USP30: variants seen among roughly 807,000 people sequenced by gnomAD.
USP30 encodes the protein ubiquitin specific peptidase 30.
Under a neutral mutation model 68.2 loss-of-function variants are expected in USP30, and 41 were observed. The ratio of observed to expected loss-of-function variants is 0.60; its 90% confidence interval spans 0.47 to 0.78. The LOEUF (loss-of-function observed/expected upper bound fraction) is 0.78, where lower values mean the gene tolerates loss of function less well. Ranked by LOEUF, USP30 falls within the 30% of genes least tolerant of loss-of-function variation. USP30 has a pLI of 0.00. For missense variants in USP30, 522 were observed against 649.4 expected (o/e 0.80, Z 2.13); for synonymous variants, 229 against 253.7 (o/e 0.90, Z 0.93).
At chr12:109,054,537 A>AC (rs373921085) in intron 1 of USP30, 4 of 151,820 alleles carry the variant, frequency 2.6e-5, no homozygotes, top group African/African-American at 7.3e-5. Context: ...CTCAAAAAAA[A>AC]ATAAAAATAA....
At chr12:109,024,916 C>G (rs1486569448) in exon 2 of USP30, 1 of 152,248 alleles carries the variant, frequency 6.6e-6, no homozygotes, top group African/African-American at 2.4e-5. Context: ...ACCACACCAG[C>G]CTAAAGCAGC....
Position 109,086,240 on chromosome 12 carries a change from T to C in USP30, c.*309T>C, listed in dbSNP as rs945073229. 3.3e-4 allele frequency: 91 copies of C among 273,634 alleles called. 1 individual carries two copies. Among genetic ancestry groups the C allele is most frequent in the Middle Eastern group, 1.1e-3 (1 of 888 alleles). The allele number at this position is 273,634 out of a possible 1,614,324, so 17.0% of individuals were successfully genotyped here. On this transcript the variant is annotated 3_prime_UTR_variant, in exon 13 of 13. Coordinates refer to ENST00000257548, the MANE Select transcript of USP30 (RefSeq NM_032663.5). ...ATTCTTGAAGCCACCGTTTTCATAT[T>C]GTAATGTTAGGTGTTCTCAGAGGGG... is the stretch of plus-strand genomic sequence containing the variant.
chr12:109,055,400 ATTTTTTTTT>A (rs869090869), intron 1 of USP30, among the ~76,000 whole-genome samples: 2 of 24,466 alleles, frequency 8.2e-5, no homozygotes, highest in African/African-American at 2.2e-4. Flanking sequence ...ATATATATAT[ATTTTTTTTT>A]TTTTTTTTTT....
intron 7 of USP30, 127 bp from the exon 8 acceptor site, chr12:109,081,207 A>G: frequency 1.2e-6 from 1 of 812,254 alleles, no homozygotes. Flanking sequence ...TTCTAAGTAC[A>G]TTATATTTTA....
intron 3 of USP30, among the ~76,000 whole-genome samples, chr12:109,066,120 C>A (rs1254890438): frequency 6.6e-6 from 1 of 151,930 alleles, no homozygotes; most frequent in Non-Finnish European, 1.5e-5. Flanking sequence ...AGCACAAGGA[C>A]ATGTGCCTGT....
At chr12:109,047,868 C>A (rs1289534553), upstream of USP30, among the ~76,000 whole-genome samples, 1 of 152,032 alleles carries the variant, frequency 6.6e-6, no homozygotes, top group African/African-American at 2.4e-5. Flanking sequence ...TAGTATTCAC[C>A]CAGCCAGCTA....
chr12:109,052,599 G>C lies in USP30; in HGVS notation c.-80G>C. 1.5e-6 allele frequency: 2 copies of C among 1,361,630 alleles called. No individual in the cohort carries two copies. The highest frequency in any genetic ancestry group is 1.6e-5 in the South Asian group (1 of 64,324). The allele number at this position is 1,361,630 out of a possible 1,614,324, so 84.3% of individuals were successfully genotyped here. On this transcript the variant is annotated 5_prime_UTR_variant, in exon 1 of 13. Coordinates refer to ENST00000257548, the MANE Select transcript of USP30 (RefSeq NM_032663.5). ...CTGCGGCCGCAGGTTCCGCTGTCTC[G>C]GGAACCGTCGTATCCCTCGGTCCGG...
intron 3 of USP30, among the ~76,000 whole-genome samples, chr12:109,064,839 G>A (rs2041197025): frequency 1.3e-5 from 2 of 151,974 alleles, no homozygotes; most frequent in African/African-American, 4.8e-5. Flanking sequence ...TTGGGTTAAA[G>A]GAGGCATTAA....
rs916734596 is a variant in USP30, at chr12:109,070,048, G to A, written c.481-1564G>A. Among the ~76,000 whole-genome samples the A allele has an allele frequency of 2.6e-5, 4 of 152,098 alleles. No individual in the cohort carries two copies. The highest frequency in any genetic ancestry group is 4.4e-5 in the Non-Finnish European group (3 of 68,008). ...GATTGTGCAGGGACTAGGAGGCTGC[G>A]GGCGGCATCAGCTTCTATTGTGTTT... On this transcript the variant is annotated intron_variant, in intron 4 of 12. Transcript: ENST00000257548. This position sits in a 1 kb window ranked among gnomAD's most constrained non-coding sequence, Gnocchi z 4.0.
intron 11 of USP30, 40 bp downstream of exon 11, chr12:109,083,102 G>C: frequency 1.3e-6 from 2 of 1,550,994 alleles, no homozygotes; most frequent in Admixed American, 2.0e-5. Flanking sequence ...GGAATTTTCA[G>C]CACAGAGAAA....
intron 3 of USP30, among the ~76,000 whole-genome samples, chr12:109,037,079 A>G (rs991685177): frequency 4.6e-5 from 7 of 152,038 alleles, no homozygotes; most frequent in Admixed American, 4.6e-4. Flanking sequence ...TGCCTGATGG[A>G]GTCCCACAGG....
intron 3 of USP30, among the ~76,000 whole-genome samples, chr12:109,037,127 C>A (rs950171372): frequency 6.6e-6 from 1 of 152,024 alleles, no homozygotes; most frequent in Non-Finnish European, 1.5e-5. Flanking sequence ...AATTATTTTT[C>A]CTTCTGTTCC....
At position 109,052,604 on chromosome 12, in the gene USP30, C is replaced by G; in HGVS notation, c.-75C>G. The G allele has an allele frequency of 4.4e-6, 6 of 1,372,542 alleles. No homozygotes were observed. The highest frequency in any genetic ancestry group is 4.7e-6 in the Non-Finnish European group (5 of 1,059,118). The allele number at this position is 1,372,542 out of a possible 1,614,324, so 85.0% of individuals were successfully genotyped here. ...GCCGCAGGTTCCGCTGTCTCGGGAA[C>G]CGTCGTATCCCTCGGTCCGGCGGCG... On this transcript the variant is annotated 5_prime_UTR_variant, in exon 1 of 13. Coordinates refer to ENST00000257548, the MANE Select transcript of USP30 (RefSeq NM_032663.5).
chr12:109,082,808 C>G (rs2041840287), intron 10 of USP30, 35 bp from the exon 11 acceptor site: 13 of 1,609,844 alleles, frequency 8.1e-6, no homozygotes, highest in Non-Finnish European at 1.1e-5. Flanking sequence ...GCCCCTGAAA[C>G]AACTCGGTTC....
At chr12:109,055,400 A>ACATATATATATATATATATATTTTTTTT (rs1555257267) in intron 1 of USP30, among the ~76,000 whole-genome samples, 8 of 24,466 alleles carry the variant, frequency 3.3e-4, no homozygotes, top group South Asian at 1.5e-3. Context: ...ATATATATAT[A>ACATATATATATATATATATATTTTTTTT]TTTTTTTTTT....
intron 4 of USP30, among the ~76,000 whole-genome samples, chr12:109,068,103 C>T (rs2041316940): frequency 6.6e-6 from 1 of 152,238 alleles, no homozygotes; most frequent in African/African-American, 2.4e-5. Flanking sequence ...TCACTCCCAC[C>T]TCCCTTTTCC....
intron 3 of USP30, among the ~76,000 whole-genome samples, chr12:109,041,886 G>T (rs1593224637): frequency 6.6e-6 from 1 of 152,010 alleles, no homozygotes; most frequent in South Asian, 2.1e-4. Flanking sequence ...AAAATAGTTT[G>T]AATTACAAAG....
intron 3 of USP30, among the ~76,000 whole-genome samples, chr12:109,061,464 A>G (rs75680871): frequency 0.061 from 9,093 of 150,106 alleles, 375 homozygotes; most frequent in East Asian, 0.14. Context: ...GCTGGAGTGC[A>G]GTGGCACAAC....
rs566299664 is a variant in USP30 at position 109,078,772 on chromosome 12, C to T, written c.721-2562C>T. 1.4e-4 allele frequency among the ~76,000 whole-genome samples: 21 copies of T among 152,270 alleles called. 1 individual carries two copies. The highest frequency in any genetic ancestry group is 3.4e-3 in the Middle Eastern group (1 of 294). ...GTTATAGGTGTACTGCTGACAGATA[C>T]ACTTAGATTTCATGTATATGAAAAT... On this transcript the variant is annotated intron_variant, in intron 7 of 12. Coordinates refer to ENST00000257548, the MANE Select transcript of USP30 (RefSeq NM_032663.5).
Sources: gnomAD v4.1 joint callset for allele counts (sites outside exome capture counted in the v4.1 genomes callset) on GRCh38, gnomAD v4.1.1 for gene constraint, Gnocchi (gnomAD v3.1) non-coding constraint, MANE v1.5 for transcripts, NCBI Gene and HGNC (gene_info 2026-07-23, HGNC 2026-07-21) for gene names.